Variants in AKAP12 observed in about 807,000 individuals in gnomAD.
The protein encoded by AKAP12 is A-kinase anchoring protein 12.
In AKAP12, 32 loss-of-function variants were observed where a neutral mutation model predicts 79.9. The ratio of observed to expected loss-of-function variants is 0.40; its 90% CI spans 0.30 to 0.54. AKAP12 has a LOEUF of 0.54. Ranked by LOEUF, AKAP12 falls within the 20% of genes least tolerant of loss-of-function variation. The pLI is 0.48. For synonymous variants in AKAP12, 808 were observed against 857.0 expected, an observed-to-expected ratio of 0.94 and a Z score of 1.00; for missense variants, 2,074 against 2,177.0, an observed-to-expected ratio of 0.95 and a Z score of 0.94.
intron 2 of AKAP12, 21 bp from the exon 3 acceptor site, chr6:151,305,726 A>G (rs988540288): frequency 1.9e-6 from 3 of 1,594,344 alleles, no homozygotes; most frequent in South Asian, 1.1e-5. Context: ...TTAAGTTTCT[A>G]TGGCTTTGTC....
chr6:151,348,578 G>T (rs1272181608), intron 3 of AKAP12, 133 bp from the exon 4 acceptor site: 12 of 667,458 alleles, frequency 1.8e-5, no homozygotes, highest in Non-Finnish European at 3.0e-5. Flanking sequence ...GGTTGAGGCT[G>T]CAGTGAGCCG....
intron 3 of AKAP12, among the ~76,000 whole-genome samples, chr6:151,333,739 CAAAAAA>C (rs11292037): frequency 8.0e-6 from 1 of 125,136 alleles, no homozygotes; most frequent in African/African-American, 2.8e-5. Context: ...ACTGTGACTT[CAAAAAA>C]AAAAAAAAAA....
intron 2 of AKAP12, among the ~76,000 whole-genome samples, chr6:151,253,381 C>A (rs571955276): frequency 2.2e-4 from 33 of 151,986 alleles, no homozygotes; most frequent in Non-Finnish European, 4.1e-4. Context: ...GTCTTTTGTT[C>A]GTTTTAATTT....
intron 3 of AKAP12, among the ~76,000 whole-genome samples, chr6:151,338,797 T>A (rs1415430483): frequency 6.6e-6 from 1 of 152,248 alleles, no homozygotes; most frequent in Non-Finnish European, 1.5e-5. Context: ...TGATGTTGTG[T>A]CCTTCTCAGG....
At chr6:151,259,961 T>C (rs1290990197) in intron 2 of AKAP12, among the ~76,000 whole-genome samples, 1 of 151,922 alleles carries the variant, frequency 6.6e-6, no homozygotes, top group Non-Finnish European at 1.5e-5. Context: ...TGGGATTGGA[T>C]GAGCCAATTT....
chr6:151,278,554 T>C (rs896896438), intron 2 of AKAP12, among the ~76,000 whole-genome samples: 2 of 152,174 alleles, frequency 1.3e-5, no homozygotes, highest in African/African-American at 4.8e-5. Flanking sequence ...CATAGCATCG[T>C]AAATCCAGTT....
intron 2 of AKAP12, among the ~76,000 whole-genome samples, chr6:151,265,932 G>A (rs766145183): frequency 6.6e-6 from 1 of 152,202 alleles, no homozygotes; most frequent in Non-Finnish European, 1.5e-5. Context: ...TCTTCCTTTA[G>A]TTGGTCTTTT....
rs562330925 is a variant in AKAP12 at position 151,288,512 on chromosome 6, A to G, written c.163-17235A>G. On this transcript the variant is annotated intron_variant, in intron 2 of 4. Coordinates refer to ENST00000402676, the MANE Select transcript of AKAP12 (RefSeq NM_005100.4). ...GGGGGACAGAGCAAGACATCGTCTC[A>G]AAAGAAAGAAAGAAAGAAAAAGAGT... Among the ~76,000 whole-genome samples, 18 of 152,214 alleles carry G rather than the reference A, an allele frequency of 1.2e-4. No homozygotes were observed. The South Asian group carries it at 2.9e-3, about 25-fold the overall frequency.
At chr6:151,257,844 G>T (rs1363364148) in intron 2 of AKAP12, among the ~76,000 whole-genome samples, 6 of 152,232 alleles carry the variant, frequency 3.9e-5, no homozygotes, top group Non-Finnish European at 8.8e-5. Context: ...CTGATACTTT[G>T]GGGATTGGGT....
intron 3 of AKAP12, among the ~76,000 whole-genome samples, chr6:151,345,920 TGTGTGTGTGTGTGA>T (rs1162523351): frequency 7.5e-6 from 1 of 134,152 alleles, no homozygotes; most frequent in African/African-American, 3.0e-5. Context: ...TGTGTGTGTG[TGTGTGTGTGTGTGA>T]GAGAGAGAGA....
In AKAP12 at chr6:151,339,339, A is replaced by G. The variant is rs141655914; in HGVS notation, c.320-9372A>G. Reference sequence around the variant, plus strand: ...CTCCTTTAGTGCCTTCACTCTAAGCACTACCCAGCCAGCCTTTGGCCCTCC... The same window carrying G: ...CTCCTTTAGTGCCTTCACTCTAAGCGCTACCCAGCCAGCCTTTGGCCCTCC... On this transcript the variant is annotated intron_variant, in intron 3 of 4. Coordinates refer to ENST00000402676, the MANE Select transcript of AKAP12 (RefSeq NM_005100.4). Among the ~76,000 whole-genome samples the G allele has an allele frequency of 1.9e-3, 293 of 152,280 alleles. 1 individual carries two copies. Among genetic ancestry groups the G allele is most frequent in the African/African-American group, 6.8e-3 (284 of 41,538 alleles).
At position 151,352,835 on chromosome 6, in the gene AKAP12, A is replaced by G. The variant is rs762782358; in HGVS notation, c.4444A>G (p.Lys1482Glu). 1.9e-6 allele frequency: 3 copies of G among 1,614,240 alleles called. No individual in the cohort carries two copies. Among genetic ancestry groups the G allele is most frequent in the Admixed American group, 3.3e-5 (2 of 60,032 alleles). The part of the protein sequence containing the change: ...AVPTGPDCQA[K>E]STPVIVSATT... Reference sequence around the variant, plus strand: ...GCCCACAGGGCCCGACTGTCAGGCAAAATCGACACCAGTGATAGTATCTGC... The same window carrying G: ...GCCCACAGGGCCCGACTGTCAGGCAGAATCGACACCAGTGATAGTATCTGC... The change falls in exon 4 of 5, where the codon AAA becomes GAA. Residue 1482 changes from lysine to glutamate, a missense_variant. Physicochemically the swap from Lys to Glu is moderately conservative, Grantham distance 56. Transcript: ENST00000402676.
At chr6:151,322,459 G>A (rs551810866) in intron 3 of AKAP12, among the ~76,000 whole-genome samples, 22 of 152,088 alleles carry the variant, frequency 1.4e-4, no homozygotes, top group African/African-American at 3.9e-4. Context: ...TGTCTTCCCC[G>A]CCAAGCCCCC....
rs761287038 is a variant in AKAP12, at chr6:151,351,102, C to T, written c.2711C>T (p.Thr904Ile). 2.1e-5 allele frequency: 34 copies of T among 1,614,002 alleles called. No homozygotes were observed. The highest frequency in any genetic ancestry group is 1.6e-5 in the Non-Finnish European group (19 of 1,180,040). Residue 904 changes from threonine to isoleucine, a missense_variant, in exon 4 of 5, where the codon ACC becomes ATC. By Grantham distance (89) the Thr-to-Ile change is moderately conservative. Transcript: ENST00000402676. The surrounding 1 kb of genome is among the most constrained non-coding windows in gnomAD (Gnocchi z 4.4). Reference sequence around the variant, plus strand: ...GTCGCTGACGGGACGAGGGCAGCTACCATTATTGAAGAAAGGTCTCCTTCT... The same window carrying T: ...GTCGCTGACGGGACGAGGGCAGCTATCATTATTGAAGAAAGGTCTCCTTCT... ...AAVADGTRAA[T>I]IIEERSPSWI...
intron 3 of AKAP12, among the ~76,000 whole-genome samples, chr6:151,316,857 C>T (rs1382801002): frequency 2.0e-5 from 3 of 152,210 alleles, no homozygotes; most frequent in Non-Finnish European, 4.4e-5. Context: ...AGGATGGTCT[C>T]GAACTCCTGA....
At chr6:151,249,709 G>A (rs1797139348) in intron 2 of AKAP12, among the ~76,000 whole-genome samples, 1 of 152,104 alleles carries the variant, frequency 6.6e-6, no homozygotes, top group African/African-American at 2.4e-5. Flanking sequence ...TAAAACTCAA[G>A]TTTCCATATA....
intron 3 of AKAP12, among the ~76,000 whole-genome samples, chr6:151,336,356 A>G (rs1196087052): frequency 6.6e-6 from 1 of 152,200 alleles, no homozygotes; most frequent in Non-Finnish European, 1.5e-5. Flanking sequence ...TGTTTTCTAT[A>G]GCTCTCTTAC....
At chr6:151,268,966 T>C (rs200371525) in intron 2 of AKAP12, among the ~76,000 whole-genome samples, 2 of 135,846 alleles carry the variant, frequency 1.5e-5, no homozygotes, top group African/African-American at 5.6e-5. Context: ...TTTTTTTTTT[T>C]TTTTTTTTTT....
intron 3 of AKAP12, among the ~76,000 whole-genome samples, chr6:151,313,990 G>A (rs918838744): frequency 7.9e-5 from 12 of 151,312 alleles, no homozygotes; most frequent in African/African-American, 1.7e-4. Context: ...TGGTAATTCC[G>A]TTATGCCTTT....
Sources: gnomAD v4.1 joint callset for allele counts (sites outside exome capture counted in the v4.1 genomes callset) on GRCh38, gnomAD v4.1.1 for gene constraint, Gnocchi (gnomAD v3.1) non-coding constraint, MANE v1.5 for transcripts, NCBI Gene and HGNC (gene_info 2026-07-23, HGNC 2026-07-21) for gene names.